The following PLXND1 variants were observed in gnomAD, a reference collection of about 807,000 sequenced individuals.
PLXND1 encodes plexin D1.
In PLXND1, 54 loss-of-function variants were observed where a neutral mutation model predicts 197.7. The observed-to-expected ratio is 0.27, with a 90% confidence interval of 0.22 to 0.34. PLXND1 has a LOEUF of 0.34. Among genes scored for constraint, PLXND1 ranks in the 10% least tolerant of loss-of-function variants. The probability of loss-of-function intolerance (pLI) is 1.00; values close to 1 mark genes in which losing one functional copy is unlikely to be tolerated. For missense variants in PLXND1, 2,127 were observed against 2,699.2 expected, an observed-to-expected ratio of 0.79 and a Z score of 4.70; for synonymous variants, 1,180 against 1,161.2, an observed-to-expected ratio of 1.02 and a Z score of -0.33.
At chr3:129,599,767 T>C (rs1260796068) in intron 1 of PLXND1, among the ~76,000 whole-genome samples, 2 of 152,108 alleles carry the variant, frequency 1.3e-5, no homozygotes, top group Non-Finnish European at 2.9e-5. Flanking sequence ...CCTGCCTGAA[T>C]CTCTATGGCC....
intron 11 of PLXND1, among the ~76,000 whole-genome samples, chr3:129,574,794 A>T (rs2085288280): frequency 6.6e-6 from 1 of 152,226 alleles, no homozygotes; most frequent in Admixed American, 6.5e-5. Context: ...ACGCTCAGAC[A>T]GGAGGGACTC....
chr3:129,606,275 T>C lies in PLXND1; in HGVS notation c.365A>G (p.Asp122Gly). The C allele has an allele frequency of 1.9e-6, 3 of 1,542,244 alleles. No individual in the cohort carries two copies. Among genetic ancestry groups the C allele is most frequent in the Non-Finnish European group, 2.6e-6 (3 of 1,149,972 alleles). Residue 122 changes from aspartate (D) to glycine (G), a missense_variant, in exon 1 of 36, where the codon GAC becomes GGC. Physicochemically the swap from Asp to Gly is moderately conservative, Grantham distance 94. Coordinates refer to ENST00000324093, the MANE Select transcript of PLXND1 (RefSeq NM_015103.3). ...CAGCTGCAGGATCTTGTTGTAGTTGTCCGTGAGGCGCCGCGGGTGCTCGCA... is the reference window on the plus strand; with the variant it reads ...CAGCTGCAGGATCTTGTTGTAGTTGCCCGTGAGGCGCCGCGGGTGCTCGCA... The part of the protein sequence containing the change: ...ASCEHPRRLT[D>G]NYNKILQLDP...
At chr3:129,581,727 C>G (rs980461683) in intron 8 of PLXND1, among the ~76,000 whole-genome samples, 2 of 152,240 alleles carry the variant, frequency 1.3e-5, no homozygotes, top group Admixed American at 6.5e-5. Flanking sequence ...ACCTGAGGCT[C>G]TTGGCTCGTG....
Position 129,562,775 on chromosome 3 carries a change from A to G in PLXND1, c.4825+12T>C. 5 of 1,586,420 alleles carry G rather than the reference A, an allele frequency of 3.2e-6. No individual in the cohort carries two copies. The African/African-American group carries it at 6.7e-5, about 21-fold the overall frequency. On this transcript the variant is annotated intron_variant, in intron 27 of 35. Coordinates refer to ENST00000324093, the MANE Select transcript of PLXND1 (RefSeq NM_015103.3). Reference sequence around the variant, plus strand: ...CGCCTGACACGGGGTCTCTGCCCCCATTCCCACCCACCAAGGTCGACGTCC... The same window carrying G: ...CGCCTGACACGGGGTCTCTGCCCCCGTTCCCACCCACCAAGGTCGACGTCC...
At chr3:129,596,822 T>TCGCACGAC (rs1560082477) in intron 1 of PLXND1, among the ~76,000 whole-genome samples, 2 of 152,148 alleles carry the variant, frequency 1.3e-5, no homozygotes, top group African/African-American at 4.8e-5. Flanking sequence ...CCCAGAGTCA[T>TCGCACGAC]CGCACGACCG....
At chr3:129,593,225 C>T (rs1252950080) in intron 1 of PLXND1, among the ~76,000 whole-genome samples, 1 of 152,174 alleles carries the variant, frequency 6.6e-6, no homozygotes, top group Admixed American at 6.5e-5. Context: ...GGCCTTCGTG[C>T]CCCAGCTCCT....
chr3:129,579,795 C>A (rs1277508094), intron 8 of PLXND1, among the ~76,000 whole-genome samples: 2 of 152,230 alleles, frequency 1.3e-5, no homozygotes, highest in Admixed American at 6.5e-5. Flanking sequence ...GTCACCCAGC[C>A]AGGCCAAAGG....
In PLXND1 at chr3:129,571,192, C is replaced by A. The variant is rs143564778; in HGVS notation, c.3448G>T (p.Val1150Leu). The change falls in exon 18 of 36, where the codon GTG becomes TTG. Residue 1150 changes from valine to leucine, a missense_variant. By Grantham distance (32) the Val-to-Leu change is conservative (BLOSUM62 1). This residue lies in a region of PLXND1 where 532 missense variants were observed against 811.0 expected (regional missense o/e 0.66). Coordinates refer to ENST00000324093, the MANE Select transcript of PLXND1 (RefSeq NM_015103.3). Reference sequence around the variant, plus strand: ...TCCAGTAGCTCCTCAGCCACAGCCACCTCGTCTGCGTAGGCCCGCCCATTG... The same window carrying A: ...TCCAGTAGCTCCTCAGCCACAGCCAACTCGTCTGCGTAGGCCCGCCCATTG... ...FINGRAYADE[V>L]AVAEELLDPE... 1,764 of 1,614,198 alleles carry A rather than the reference C, an allele frequency of 1.1e-3. 12 individuals are homozygous for A. The highest frequency in any genetic ancestry group is 8.1e-3 in the South Asian group (741 of 91,086).
intron 29 of PLXND1, chr3:129,560,998 C>G: frequency 1.7e-6 from 1 of 586,094 alleles, no homozygotes; most frequent in Non-Finnish European, 3.2e-6. Context: ...ACACAGCGAG[C>G]GAGACAGAGT....
In PLXND1 at chr3:129,555,421, C is replaced by G; in HGVS notation, c.*891G>C. Reference sequence around the variant, plus strand: ...CCAGGGGCGCTCTGCCAGGTCTGCCCGCTCTCTGGAACAGTCATTTCCAGT... The same window carrying G: ...CCAGGGGCGCTCTGCCAGGTCTGCCGGCTCTCTGGAACAGTCATTTCCAGT... On this transcript the variant is annotated 3_prime_UTR_variant, in exon 36 of 36. Transcript: ENST00000324093. 2 of 652,756 alleles carry G rather than the reference C, an allele frequency of 3.1e-6. No individual in the cohort carries two copies. Among genetic ancestry groups the G allele is most frequent in the Non-Finnish European group, 5.4e-6 (2 of 369,836 alleles). 40.4% of individuals were successfully genotyped at this position (652,756 alleles called of 1,614,324 possible). A position where few individuals can be genotyped will look rare whatever the true frequency, so the allele number is the denominator to read the frequency against.
At chr3:129,561,111 A>T in intron 29 of PLXND1, 1 of 470,212 alleles carries the variant, frequency 2.1e-6, no homozygotes, top group Non-Finnish European at 4.2e-6. Flanking sequence ...ACGGGGGAGG[A>T]GGGGCCCCAG....
rs2085788334 is a variant in PLXND1, at chr3:129,606,045, C to T, written c.595G>A (p.Ala199Thr). The change falls in exon 1 of 36, where the codon GCC becomes ACC. Residue 199 changes from alanine to threonine, a missense_variant. Around this residue, in one of 6 missense-constraint regions of PLXND1, gnomAD observed 1,095 missense variants for 1,259.8 expected, o/e 0.87. Transcript: ENST00000324093. Reference protein sequence around the residue: ...ASTVGLVLPPAAGAGGSRLLV... With the variant: ...ASTVGLVLPPTAGAGGSRLLV... The stretch of plus-strand genomic sequence containing the variant: ...AGGCGGCTGCCCCCCGCGCCCGCGG[C>T]GGGAGGCAGAACTAGCCCCACGGTG... 3.1e-6 allele frequency: 5 copies of T among 1,591,572 alleles called. No individual in the cohort carries two copies. The highest frequency in any genetic ancestry group is 1.3e-5 in the African/African-American group (1 of 74,572).
Position 129,586,558 on chromosome 3 carries a change from G to A in PLXND1, c.1620+30C>T, listed in dbSNP as rs115369942. 1,735 of 1,558,374 alleles carry A rather than the reference G, an allele frequency of 1.1e-3. 12 individuals are homozygous for A. In the African/African-American group the frequency reaches 0.02, roughly 18 times the overall value. ...AGCAAGAGGGCTCGGCTGGTGCTGG[G>A]ATGGCGTTGGGCTGGGGCTCTGGCC... is the stretch of plus-strand genomic sequence containing the variant. On this transcript the variant is annotated intron_variant, in intron 3 of 35. Transcript: ENST00000324093.
At chr3:129,578,660 AC>A (rs1476481258) in intron 8 of PLXND1, 2 of 537,744 alleles carry the variant, frequency 3.7e-6, no homozygotes, top group East Asian at 6.5e-5. Flanking sequence ...GAAGGTGGGC[AC>A]AGGCAGATGG....
intron 24 of PLXND1, 80 bp from the exon 25 acceptor site, chr3:129,565,618 C>CCCGG (rs917635165): frequency 2.6e-5 from 33 of 1,280,938 alleles, no homozygotes; most frequent in Non-Finnish European, 3.5e-5. Flanking sequence ...CCGCCTCATC[C>CCCGG]CCGGGCCCAT....
chr3:129,559,555 C>G (rs2108762719), intron 32 of PLXND1, 65 bp downstream of exon 32: 1 of 1,368,340 alleles, frequency 7.3e-7, no homozygotes, highest in Middle Eastern at 2.0e-4. Flanking sequence ...AGACTAGACT[C>G]TGAACCCCCT....
rs918680988 is a variant in PLXND1, at chr3:129,577,488, A to C, written c.2346+841T>G. On this transcript the variant is annotated intron_variant, in intron 9 of 35. Transcript: ENST00000324093. This position sits in a 1 kb window ranked among gnomAD's most constrained non-coding sequence, Gnocchi z 5.0. ...GGCTTGAGGGCTGAGGGCAGGCCCC[A>C]CCCTAGCCCTCCCAGAGCTCCAGCC... Among the ~76,000 whole-genome samples the C allele has an allele frequency of 8.8e-6, 1 of 114,126 alleles. No homozygotes were observed. Among genetic ancestry groups the C allele is most frequent in the African/African-American group, 3.3e-5 (1 of 29,884 alleles). The allele number at this position is 114,126 out of a possible 152,430, so 74.9% of individuals were successfully genotyped here.
chr3:129,597,263 G>A (rs1160122533), intron 1 of PLXND1, among the ~76,000 whole-genome samples: 2 of 152,048 alleles, frequency 1.3e-5, no homozygotes, highest in African/African-American at 4.8e-5. Context: ...CCGCCGCTCT[G>A]CTGGGAGCCA....
At chr3:129,594,692 A>G (rs1411003149) in intron 1 of PLXND1, among the ~76,000 whole-genome samples, 1 of 152,062 alleles carries the variant, frequency 6.6e-6, no homozygotes, top group African/African-American at 2.4e-5. Context: ...TGCAGTCTGG[A>G]GTTTAGTTGG....
Sources: allele counts gnomAD v4.1 joint callset (sites outside exome capture counted in the v4.1 genomes callset), GRCh38; gene constraint gnomAD v4.1.1; regional missense constraint gnomAD v4.1.1; non-coding constraint Gnocchi (gnomAD v3.1); transcripts MANE v1.5; gene names NCBI Gene and HGNC (gene_info 2026-07-23, HGNC 2026-07-21).